The following ARHGAP22 variants were observed in gnomAD, a reference collection of about 807,000 sequenced individuals.
ARHGAP22 encodes the protein Rho GTPase activating protein 22, also known as rho GTPase-activating protein 22.
In ARHGAP22, 48 loss-of-function variants were observed where a neutral mutation model predicts 59.1. The observed-to-expected ratio is 0.81, with a 90% CI of 0.64 to 1.03. The LOEUF is 1.03. Ranked by LOEUF, ARHGAP22 falls within the 50% of genes least tolerant of loss-of-function variation. ARHGAP22 has a pLI of 0.00. For synonymous variants in ARHGAP22, 445 were observed against 416.4 expected, an observed-to-expected ratio of 1.07 and a Z score of -0.84; for missense variants, 1,015 against 958.7, an observed-to-expected ratio of 1.06 and a Z score of -0.78.
At chr10:48,576,446 C>G (rs1041430261) in intron 2 of ARHGAP22, among the ~76,000 whole-genome samples, 3 of 152,206 alleles carry the variant, frequency 2.0e-5, no homozygotes, top group Admixed American at 2.0e-4. Flanking sequence ...AAAATATGGA[C>G]TTACATGAAG....
the ARHGAP22 span, chr10:48,435,055 GGGA>G: frequency 7.3e-6 from 10 of 1,375,570 alleles, no homozygotes; most frequent in Non-Finnish European, 8.9e-6. Flanking sequence ...GGGGGTGGGA[GGGA>G]TGGGGAGTCG....
At chr10:48,638,990 A>G (rs1050720068) in intron 1 of ARHGAP22, among the ~76,000 whole-genome samples, 2 of 152,268 alleles carry the variant, frequency 1.3e-5, no homozygotes, top group Non-Finnish European at 2.9e-5. Context: ...GAAATTGACC[A>G]AAGACATGCA....
chr10:48,592,686 C>G (rs1202285592), intron 1 of ARHGAP22, among the ~76,000 whole-genome samples: 1 of 152,164 alleles, frequency 6.6e-6, no homozygotes, highest in Non-Finnish European at 1.5e-5. Flanking sequence ...GTGGCTCAAC[C>G]CTGGCCTTGA....
the ARHGAP22 span, chr10:48,437,950 AATC>A: frequency 2.0e-5 from 3 of 152,254 alleles, no homozygotes; most frequent in Non-Finnish European, 2.9e-5. Context: ...CTGATAGTGA[AATC>A]ATCAGCAGGA....
intron 2 of ARHGAP22, among the ~76,000 whole-genome samples, chr10:48,566,293 T>C (rs1469385810): frequency 1.3e-5 from 2 of 152,130 alleles, no homozygotes; most frequent in African/African-American, 2.4e-5. Context: ...TAAAAACCGT[T>C]ATCCACCTGA....
chr10:48,577,052 AT>A (rs2058762020), intron 2 of ARHGAP22, among the ~76,000 whole-genome samples: 1 of 150,474 alleles, frequency 6.6e-6, no homozygotes, highest in African/African-American at 2.4e-5. Context: ...TTTTTCCTTC[AT>A]TTCTCTCTTC....
intron 3 of ARHGAP22, among the ~76,000 whole-genome samples, chr10:48,530,236 CAAAAAAAAAAAAA>C (rs60902650): frequency 2.0e-5 from 1 of 49,040 alleles, no homozygotes; most frequent in Non-Finnish European, 3.9e-5. Flanking sequence ...GACTCCATTG[CAAAAAAAAAAAAA>C]AAAAAAAAAA....
intron 1 of ARHGAP22, among the ~76,000 whole-genome samples, chr10:48,631,685 GAC>G (rs780337814): frequency 8.5e-5 from 13 of 152,054 alleles, no homozygotes; most frequent in Non-Finnish European, 1.8e-4. Flanking sequence ...TAATATTACT[GAC>G]ATTCACTTTG....
intron 3 of ARHGAP22, among the ~76,000 whole-genome samples, chr10:48,536,800 T>G (rs1318517547): frequency 6.6e-6 from 1 of 152,170 alleles, no homozygotes; most frequent in African/African-American, 2.4e-5. Flanking sequence ...CAGGGGGCAA[T>G]GTAATGTCTA....
intron 3 of ARHGAP22, among the ~76,000 whole-genome samples, chr10:48,504,692 G>T (rs1001496577): frequency 6.6e-6 from 1 of 152,208 alleles, no homozygotes; most frequent in Non-Finnish European, 1.5e-5. Flanking sequence ...GGCTCCGTGG[G>T]CTGAGGAGGG....
the ARHGAP22 span, among the ~76,000 whole-genome samples, chr10:48,433,155 A>T: frequency 6.6e-6 from 1 of 152,192 alleles, no homozygotes; most frequent in Non-Finnish European, 1.5e-5. Flanking sequence ...CCATTCAGAT[A>T]TTTGAGAATT....
chr10:48,625,524 A>C (rs542878137), intron 1 of ARHGAP22, among the ~76,000 whole-genome samples: 4 of 152,096 alleles, frequency 2.6e-5, no homozygotes, highest in Admixed American at 6.5e-5. Flanking sequence ...CATGTGCTTG[A>C]TATTTGCAAT....
intron 3 of ARHGAP22, among the ~76,000 whole-genome samples, chr10:48,482,928 C>T (rs1466225522): frequency 6.6e-6 from 1 of 151,962 alleles, no homozygotes; most frequent in Non-Finnish European, 1.5e-5. Flanking sequence ...CTCTTCATCC[C>T]CCTCTCTGCT....
intron 1 of ARHGAP22, among the ~76,000 whole-genome samples, chr10:48,637,338 T>C (rs1186628832): frequency 6.6e-6 from 1 of 152,014 alleles, no homozygotes; most frequent in Non-Finnish European, 1.5e-5. Flanking sequence ...GACACAGGTA[T>C]ACAGATGGAT....
intron 1 of ARHGAP22, among the ~76,000 whole-genome samples, chr10:48,596,373 T>C (rs945387424): frequency 6.6e-6 from 1 of 151,976 alleles, no homozygotes; most frequent in Non-Finnish European, 1.5e-5. Flanking sequence ...CAGATCTTGC[T>C]GTCATCTATA....
rs1017667659 is a variant in ARHGAP22, at chr10:48,650,917, C to G, written c.52+1317G>C. Among the ~76,000 whole-genome samples, 12 of 152,264 alleles carry G rather than the reference C, an allele frequency of 7.9e-5. No individual in the cohort carries two copies. In the East Asian group the frequency reaches 2.1e-3, roughly 27 times the overall value. On this transcript the variant is annotated intron_variant, in intron 1 of 9. Transcript: ENST00000435790. ...GACAGTGTGAGAAGTGTCTGCAGCA[C>G]GAGGCCGGCCCAGGGGTCCTGGCTT... is the stretch of plus-strand genomic sequence containing the variant.
At chr10:48,635,590 C>T (rs77377624) in intron 1 of ARHGAP22, among the ~76,000 whole-genome samples, 1,888 of 152,306 alleles carry the variant, frequency 0.012, 46 homozygotes, top group African/African-American at 0.043. Context: ...GAAAGGGGGC[C>T]GGGTAACCCC....
intron 1 of ARHGAP22, among the ~76,000 whole-genome samples, chr10:48,644,889 G>A (rs947467266): frequency 2.6e-5 from 4 of 151,298 alleles, no homozygotes; most frequent in African/African-American, 9.7e-5. Context: ...TCTAAATCAA[G>A]CAGAAAAAGA....
At chr10:48,600,578 G>A (rs1589104312) in intron 1 of ARHGAP22, among the ~76,000 whole-genome samples, 1 of 151,884 alleles carries the variant, frequency 6.6e-6, no homozygotes, top group Non-Finnish European at 1.5e-5. Context: ...AGGCTGCAGT[G>A]TGATTTGAGG....
Sources: gnomAD v4.1 joint callset for allele counts (sites outside exome capture counted in the v4.1 genomes callset) on GRCh38, gnomAD v4.1.1 for gene constraint, MANE v1.5 for transcripts, NCBI Gene and HGNC (gene_info 2026-07-23, HGNC 2026-07-21) for gene names.